KLF15: variants seen among roughly 807,000 people sequenced by gnomAD.
The protein encoded by KLF15 is KLF transcription factor 15, also known as Krueppel-like factor 15.
Under a neutral mutation model 24.6 loss-of-function variants are expected in KLF15, and 4 were observed. The observed-to-expected ratio is 0.16, with a 90% CI of 0.08 to 0.37. The LOEUF is 0.37. Ranked by LOEUF, KLF15 falls within the 10% of genes least tolerant of loss-of-function variation. The probability of loss-of-function intolerance (pLI) is 1.00; values close to 1 mark genes in which losing one functional copy is unlikely to be tolerated. For missense variants in KLF15, 496 were observed against 560.6 expected, an observed-to-expected ratio of 0.88 and a Z score of 1.16; for synonymous variants, 246 against 236.3, an observed-to-expected ratio of 1.04 and a Z score of -0.37.
the KLF15 span, among the ~76,000 whole-genome samples, chr3:126,301,896 T>C: frequency 6.6e-6 from 1 of 151,974 alleles, no homozygotes; most frequent in Non-Finnish European, 1.5e-5. Flanking sequence ...ATTACAGGAG[T>C]GAGCCACCGT....
At chr3:126,297,807 A>G in the KLF15 span, among the ~76,000 whole-genome samples, 1 of 152,198 alleles carries the variant, frequency 6.6e-6, no homozygotes, top group South Asian at 2.1e-4. Flanking sequence ...GCTGAATGGT[A>G]TTCCATGTTT....
At chr3:126,339,216 G>A (rs1324884006), downstream of KLF15, among the ~76,000 whole-genome samples, 3 of 152,168 alleles carry the variant, frequency 2.0e-5, no homozygotes, top group Admixed American at 6.5e-5. Context: ...GCCAGAGCCC[G>A]AGCTGTCATC....
chr3:126,312,562 C>T, the KLF15 span, among the ~76,000 whole-genome samples: 1 of 152,204 alleles, frequency 6.6e-6, no homozygotes, highest in Non-Finnish European at 1.5e-5. Flanking sequence ...CTTAGGGGGC[C>T]CGCCTGGCAC....
chr3:126,337,970 T>C (rs1013670987), downstream of KLF15, among the ~76,000 whole-genome samples: 62 of 152,124 alleles, frequency 4.1e-4, no homozygotes, highest in African/African-American at 1.4e-3. Flanking sequence ...GTGTACAGTT[T>C]AAATAGGATG....
chr3:126,323,433 ATAACATATATATGT>A, the KLF15 span, among the ~76,000 whole-genome samples: 17 of 51,722 alleles, frequency 3.3e-4, no homozygotes, highest in African/African-American at 1.0e-3. Flanking sequence ...ATATATATAT[ATAACATATATATGT>A]TATATATATA....
the KLF15 span, among the ~76,000 whole-genome samples, chr3:126,321,931 T>C: frequency 6.6e-6 from 1 of 152,204 alleles, no homozygotes; most frequent in Non-Finnish European, 1.5e-5. Flanking sequence ...CCAATTCATC[T>C]ACACCGAAGA....
the KLF15 span, among the ~76,000 whole-genome samples, chr3:126,305,621 T>A: frequency 2.0e-5 from 1 of 51,258 alleles, no homozygotes; most frequent in Non-Finnish European, 4.5e-5. Flanking sequence ...GGCTATCTGG[T>A]CACACTTACT....
intron 2 of KLF15, among the ~76,000 whole-genome samples, chr3:126,345,553 T>TCACACACACA (rs35986386): frequency 2.7e-4 from 40 of 149,678 alleles, no homozygotes; most frequent in Non-Finnish European, 4.6e-4. Context: ...CCACACATAC[T>TCACACACACA]CACACACACA....
the KLF15 span, among the ~76,000 whole-genome samples, chr3:126,327,661 C>T: frequency 1.3e-5 from 2 of 152,200 alleles, no homozygotes; most frequent in East Asian, 3.9e-4. Context: ...ATGCTGACAC[C>T]TGCATTCCAG....
At chr3:126,322,292 G>A in the KLF15 span, among the ~76,000 whole-genome samples, 1 of 152,144 alleles carries the variant, frequency 6.6e-6, no homozygotes, top group Non-Finnish European at 1.5e-5. Context: ...CCAGAATGAA[G>A]GTGCCATCGG....
chr3:126,331,553 AT>A, the KLF15 span, among the ~76,000 whole-genome samples: 1 of 152,204 alleles, frequency 6.6e-6, no homozygotes, highest in Non-Finnish European at 1.5e-5. Context: ...TGCAAGTAAT[AT>A]GTTAAGGCAC....
At chr3:126,299,879 G>A in the KLF15 span, among the ~76,000 whole-genome samples, 1 of 151,960 alleles carries the variant, frequency 6.6e-6, no homozygotes, top group Non-Finnish European at 1.5e-5. Flanking sequence ...AGCCCACCCT[G>A]CAGACACCCT....
chr3:126,339,280 C>T (rs1025704332), downstream of KLF15, among the ~76,000 whole-genome samples: 6 of 152,330 alleles, frequency 3.9e-5, no homozygotes, highest in South Asian at 6.2e-4. Context: ...CCACTCCTGA[C>T]GTTCTCCCAT....
intron 1 of KLF15, among the ~76,000 whole-genome samples, chr3:126,355,192 T>A (rs1193997396): frequency 6.6e-6 from 1 of 152,258 alleles, no homozygotes; most frequent in East Asian, 1.9e-4. Context: ...TATTTTTAAT[T>A]GTGATGATCA....
chr3:126,323,041 A>T, the KLF15 span, among the ~76,000 whole-genome samples: 1 of 150,800 alleles, frequency 6.6e-6, no homozygotes, highest in Non-Finnish European at 1.5e-5. Context: ...TTAATGAAAT[A>T]ATTTTTATTT....
At chr3:126,329,516 A>G in the KLF15 span, among the ~76,000 whole-genome samples, 25 of 152,174 alleles carry the variant, frequency 1.6e-4, no homozygotes, top group Non-Finnish European at 3.1e-4. Flanking sequence ...TTAAATAATA[A>G]AACAAAACCA....
the KLF15 span, among the ~76,000 whole-genome samples, chr3:126,297,548 C>T: frequency 6.6e-6 from 1 of 152,008 alleles, no homozygotes; most frequent in Admixed American, 6.5e-5. Context: ...TTTGGTGAAC[C>T]CATCACCCAA....
intron 2 of KLF15, among the ~76,000 whole-genome samples, chr3:126,347,822 G>T (rs192048279): frequency 6.6e-6 from 1 of 152,318 alleles, no homozygotes; most frequent in East Asian, 1.9e-4. Context: ...ACCTGGGCAG[G>T]TGACGACCTC....
chr3:126,335,979 C>T, the KLF15 span, among the ~76,000 whole-genome samples: 170 of 148,158 alleles, frequency 1.1e-3, 1 homozygote, highest in Non-Finnish European at 1.5e-3. Context: ...GAATCAATAT[C>T]GTGAAAATGG....
Sources: allele counts gnomAD v4.1 joint callset (sites outside exome capture counted in the v4.1 genomes callset), GRCh38; gene constraint gnomAD v4.1.1; transcripts MANE v1.5; gene names NCBI Gene and HGNC (gene_info 2026-07-23, HGNC 2026-07-21).